PITPNM3: variants seen among roughly 807,000 people sequenced by gnomAD.
PITPNM3 encodes the protein membrane-associated phosphatidylinositol transfer protein 3.
In PITPNM3, 26 loss-of-function variants were observed where a neutral mutation model predicts 102.0. That is an observed-to-expected ratio of 0.25 (90% CI 0.19 to 0.35). PITPNM3 has a LOEUF of 0.35. PITPNM3 is among the 10% of genes least tolerant of loss of function. PITPNM3 has a pLI of 1.00. For synonymous variants in PITPNM3, 578 were observed against 558.6 expected (o/e 1.03, Z -0.49); for missense variants, 1,083 against 1,346.1 (o/e 0.80, Z 3.06).
chr17:6,545,778 C>T (rs1049883916), intron 1 of PITPNM3, among the ~76,000 whole-genome samples: 6 of 152,236 alleles, frequency 3.9e-5, no homozygotes, highest in Admixed American at 3.3e-4. Context: ...CCTTCATGTG[C>T]AGCACCTGTG....
intron 3 of PITPNM3, among the ~76,000 whole-genome samples, chr17:6,513,501 T>G (rs1907986022): frequency 6.6e-6 from 1 of 152,174 alleles, no homozygotes; most frequent in African/African-American, 2.4e-5. Context: ...TCAACACACT[T>G]GCAATAAACA....
intron 1 of PITPNM3, among the ~76,000 whole-genome samples, chr17:6,552,369 G>A (rs1402853372): frequency 6.6e-6 from 1 of 152,114 alleles, no homozygotes; most frequent in African/African-American, 2.4e-5. Flanking sequence ...GGGGTGCAGA[G>A]GGAGGGGCAC....
At chr17:6,503,464 G>T in intron 4 of PITPNM3, 63 bp downstream of exon 4, 1 of 1,550,898 alleles carries the variant, frequency 6.4e-7, no homozygotes, top group Non-Finnish European at 8.9e-7. Flanking sequence ...GGGGACCCAG[G>T]CTCAATGAGC....
rs1366540692 is a variant in PITPNM3 at position 6,551,714 on chromosome 17, G to GA, written c.22+4670dup. Among the ~76,000 whole-genome samples the GA allele has an allele frequency of 2.7e-5, 4 of 150,336 alleles. No individual in the cohort carries two copies. The South Asian group carries it at 6.3e-4, about 24-fold the overall frequency. Reference sequence around the variant, plus strand: ...AACGTAATGAGACCCCCATCGTTATGAAAAAAAAAGTATTAAAAAAATTTT... The same window carrying GA: ...AACGTAATGAGACCCCCATCGTTATGAAAAAAAAAAGTATTAAAAAAATTTT... On this transcript the variant is annotated intron_variant, in intron 1 of 19. Transcript: ENST00000262483.
chr17:6,538,058 G>C lies in PITPNM3; in HGVS notation c.47C>G (p.Ala16Gly). The stretch of plus-strand genomic sequence containing the variant: ...GAGGACATTTCGAAGGTGCCAGGGG[G>C]CACCGCCGCCCGGGGGAGGACCACC... ...RAGGPPPGGG[A>G]PWHLRNVLSD... Residue 16 changes from alanine (A) to glycine (G), a missense_variant, in exon 2 of 20, where the codon GCC becomes GGC. By Grantham distance (60) the Ala-to-Gly change is moderately conservative (BLOSUM62 0). This residue lies in a region of PITPNM3 where 290 missense variants were observed against 337.8 expected (regional missense o/e 0.86). Transcript: ENST00000262483. 6.2e-7 allele frequency: 1 copy of C among 1,611,830 alleles called. No homozygotes were observed. The highest frequency in any genetic ancestry group is 8.5e-7 in the Non-Finnish European group (1 of 1,178,300).
Position 6,468,754 on chromosome 17 carries a change from T to A in PITPNM3, c.1774-413A>T, listed in dbSNP as rs1904911971. ...ATCCCGCAGAGCTGATTAGACTCCC[T>A]CCGCTAGATCACTCTCCTTAGCATT... On this transcript the variant is annotated intron_variant, in intron 13 of 19. Coordinates refer to ENST00000262483, the MANE Select transcript of PITPNM3 (RefSeq NM_031220.4). The surrounding 1 kb of genome is among the most constrained non-coding windows in gnomAD (Gnocchi z 5.2). Among the ~76,000 whole-genome samples the A allele has an allele frequency of 6.6e-6, 1 of 152,108 alleles. No homozygotes were observed. Among genetic ancestry groups the A allele is most frequent in the African/African-American group, 2.4e-5 (1 of 41,414 alleles).
chr17:6,484,396 A>G (rs1905943569), intron 4 of PITPNM3, 104 bp from the exon 5 acceptor site: 1 of 1,157,666 alleles, frequency 8.6e-7, no homozygotes, highest in Admixed American at 1.7e-5. Flanking sequence ...GGCTTACATC[A>G]CAGGTGAGCT....
chr17:6,463,631 G>C lies in PITPNM3; in HGVS notation c.2306+101C>G, dbSNP rs959877493. 4.0e-6 allele frequency: 6 copies of C among 1,483,296 alleles called. No homozygotes were observed. In the African/African-American group the frequency reaches 7.0e-5, roughly 17 times the overall value. 91.9% of individuals were successfully genotyped at this position (1,483,296 alleles called of 1,614,324 possible). On this transcript the variant is annotated intron_variant, in intron 17 of 19. Transcript: ENST00000262483. ...TCTCAGCTCGCAGCCCCAGAGACCG[G>C]TAGAATTCCTACAGCAAATCAGAAA...
At chr17:6,534,630 G>A (rs1204086068) in intron 2 of PITPNM3, among the ~76,000 whole-genome samples, 1 of 152,180 alleles carries the variant, frequency 6.6e-6, no homozygotes, top group Non-Finnish European at 1.5e-5. Flanking sequence ...GGGTCCCTTT[G>A]GTGCTGTGGC....
rs1037286519 is a variant in PITPNM3, at chr17:6,556,125, C to T, written c.22+260G>A. Among the ~76,000 whole-genome samples the T allele has an allele frequency of 6.6e-5, 10 of 151,936 alleles. No homozygotes were observed. The highest frequency in any genetic ancestry group is 1.3e-4 in the Non-Finnish European group (9 of 67,918). ...CAACGGCGGGACTGGCCCGGGGCGCCGCAGACCTGGCCCTTTCCGGCGGGG... is the reference window on the plus strand; with the variant it reads ...CAACGGCGGGACTGGCCCGGGGCGCTGCAGACCTGGCCCTTTCCGGCGGGG... On this transcript the variant is annotated intron_variant, in intron 1 of 19. Coordinates refer to ENST00000262483, the MANE Select transcript of PITPNM3 (RefSeq NM_031220.4). This position sits in a 1 kb window ranked among gnomAD's most constrained non-coding sequence, Gnocchi z 5.2.
Position 6,458,633 on chromosome 17 carries a change from C to T in PITPNM3, c.2491-911G>A, listed in dbSNP as rs951688142. ...TTCTGCCCCCTCCCCACCACTTCTC[C>T]GCCAGCCCCCACCTGGCTGCTCTCA... On this transcript the variant is annotated intron_variant, in intron 18 of 19. Transcript: ENST00000262483. This position sits in a 1 kb window ranked among gnomAD's most constrained non-coding sequence, Gnocchi z 5.1. Among the ~76,000 whole-genome samples the T allele has an allele frequency of 5.9e-5, 9 of 152,180 alleles. No homozygotes were observed. Among genetic ancestry groups the T allele is most frequent in the East Asian group, 1.9e-4 (1 of 5,192 alleles).
intron 4 of PITPNM3, among the ~76,000 whole-genome samples, chr17:6,501,739 G>A (rs919281062): frequency 1.3e-5 from 2 of 152,182 alleles, no homozygotes; most frequent in Admixed American, 6.5e-5. Context: ...TGAGGTGGAG[G>A]CGCCTGTGAC....
At chr17:6,552,793 G>C (rs1232896650) in intron 1 of PITPNM3, among the ~76,000 whole-genome samples, 8 of 118,270 alleles carry the variant, frequency 6.8e-5, no homozygotes, top group African/African-American at 2.6e-4. Flanking sequence ...TTGAGACGGA[G>C]TCTCGCTCTG....
At chr17:6,522,217 G>A (rs1421494663) in intron 3 of PITPNM3, among the ~76,000 whole-genome samples, 1 of 151,934 alleles carries the variant, frequency 6.6e-6, no homozygotes, top group South Asian at 2.1e-4. Context: ...GAAAAGAGAG[G>A]TATGTGTGAC....
chr17:6,494,564 G>C (rs1906687428), intron 4 of PITPNM3, among the ~76,000 whole-genome samples: 1 of 152,206 alleles, frequency 6.6e-6, no homozygotes, highest in African/African-American at 2.4e-5. Flanking sequence ...TAGGAAAAAG[G>C]TGCTCAACCT....
intron 1 of PITPNM3, among the ~76,000 whole-genome samples, chr17:6,555,797 C>A (rs1239885986): frequency 1.3e-5 from 2 of 152,244 alleles, no homozygotes; most frequent in African/African-American, 2.4e-5. Flanking sequence ...CACGGGACCC[C>A]AGAAGAGGCC....
In PITPNM3 at chr17:6,477,929, G is replaced by A. The variant is rs368988559; in HGVS notation, c.900+46C>T. The A allele has an allele frequency of 7.5e-6, 12 of 1,606,010 alleles. No homozygotes were observed. The African/African-American group carries it at 1.3e-4, about 18-fold the overall frequency. The stretch of plus-strand genomic sequence containing the variant: ...ACTCTCTCCCCGAGGGGCAGGCCCT[G>A]CTCCTATGGGCATACCCCTCCCGCG... On this transcript the variant is annotated intron_variant, in intron 8 of 19. Transcript: ENST00000262483.
chr17:6,458,083 T>G lies in PITPNM3; in HGVS notation c.2491-361A>C, dbSNP rs1914183486. Among the ~76,000 whole-genome samples the G allele has an allele frequency of 1.3e-5, 2 of 152,184 alleles. No homozygotes were observed. The highest frequency in any genetic ancestry group is 1.3e-4 in the Admixed American group (2 of 15,280). ...GCCAGGACTGGAGGCCAGTTCTGCC[T>G]GGCTCCTGATCCTGTGCTGTCCACA... On this transcript the variant is annotated intron_variant, in intron 18 of 19. Transcript: ENST00000262483. This position sits in a 1 kb window ranked among gnomAD's most constrained non-coding sequence, Gnocchi z 5.1.
chr17:6,543,864 C>A (rs959015748), intron 1 of PITPNM3, among the ~76,000 whole-genome samples: 1 of 152,110 alleles, frequency 6.6e-6, no homozygotes, highest in African/African-American at 2.4e-5. Flanking sequence ...AAGGGGTGGG[C>A]AGGGTTGGCC....
Sources: allele counts gnomAD v4.1 joint callset (sites outside exome capture counted in the v4.1 genomes callset), GRCh38; gene constraint gnomAD v4.1.1; regional missense constraint gnomAD v4.1.1; non-coding constraint Gnocchi (gnomAD v3.1); transcripts MANE v1.5; gene names NCBI Gene and HGNC (gene_info 2026-07-23, HGNC 2026-07-21).